Variants in COL19A1 observed in about 807,000 individuals in gnomAD.
COL19A1 encodes collagen type XIX alpha 1 chain.
Under a neutral mutation model 190.2 loss-of-function variants are expected in COL19A1, and 159 were observed. That is an observed-to-expected ratio of 0.84 (90% CI 0.73 to 0.95). The LOEUF is 0.95. Among genes scored for constraint, COL19A1 ranks in the 40% least tolerant of loss-of-function variants. The pLI, the probability that COL19A1 is intolerant of heterozygous loss-of-function variation, is 0.00. For missense variants in COL19A1, 1,418 were observed against 1,431.9 expected (o/e 0.99, Z 0.16); for synonymous variants, 509 against 458.9 (o/e 1.11, Z -1.39).
intron 14 of COL19A1, among the ~76,000 whole-genome samples, chr6:70,065,344 A>G (rs993195041): frequency 1.3e-5 from 2 of 152,244 alleles, no homozygotes; most frequent in Admixed American, 6.5e-5. Flanking sequence ...CCTGACAAAA[A>G]CAAGAAATGG....
chr6:69,901,006 A>T (rs1770156530), intron 4 of COL19A1, among the ~76,000 whole-genome samples: 1 of 152,236 alleles, frequency 6.6e-6, no homozygotes, highest in South Asian at 2.1e-4. Context: ...AGTTGGCAAT[A>T]ATTAAAGGAT....
intron 15 of COL19A1, among the ~76,000 whole-genome samples, chr6:70,084,317 A>G (rs1002523209): frequency 1.3e-5 from 2 of 152,198 alleles, no homozygotes; most frequent in Non-Finnish European, 2.9e-5. Context: ...TGACTTGTTC[A>G]GAGTCACAAA....
At chr6:69,973,722 T>C (rs1775558026) in intron 11 of COL19A1, 1 of 152,258 alleles carries the variant, frequency 6.6e-6, no homozygotes, top group Non-Finnish European at 1.5e-5. Flanking sequence ...AAATCTCAAT[T>C]AATAAATATG....
chr6:70,193,778 TTTAAG>T (rs1281071488), intron 48 of COL19A1, among the ~76,000 whole-genome samples: 1 of 152,220 alleles, frequency 6.6e-6, no homozygotes, highest in African/African-American at 2.4e-5. Flanking sequence ...TTATTTAGCA[TTTAAG>T]TTAATTTGTC....
chr6:70,039,342 C>G (rs1779514250), intron 14 of COL19A1, among the ~76,000 whole-genome samples: 2 of 152,180 alleles, frequency 1.3e-5, no homozygotes, highest in African/African-American at 4.8e-5. Context: ...GTATTTATAT[C>G]AAAAACACCC....
chr6:69,950,872 C>A (rs1774087565), intron 9 of COL19A1, among the ~76,000 whole-genome samples: 1 of 151,802 alleles, frequency 6.6e-6, no homozygotes. Context: ...TGCCTCATTT[C>A]ATACTTCACT....
At chr6:70,156,569 TC>T in intron 33 of COL19A1, 100 bp from the exon 34 acceptor site, 2 of 1,314,660 alleles carry the variant, frequency 1.5e-6, no homozygotes, top group Non-Finnish European at 2.1e-6. Flanking sequence ...CCTGACCCTG[TC>T]CAAATTACAT....
chr6:70,085,194 C>T (rs994699129), intron 15 of COL19A1, among the ~76,000 whole-genome samples: 2 of 152,072 alleles, frequency 1.3e-5, no homozygotes, highest in Non-Finnish European at 2.9e-5. Flanking sequence ...TTTTGGAATC[C>T]GAAGACTTTT....
intron 11 of COL19A1, among the ~76,000 whole-genome samples, chr6:70,001,611 TTTC>T (rs1311625616): frequency 1.3e-5 from 2 of 152,174 alleles, no homozygotes; most frequent in African/African-American, 4.8e-5. Context: ...TCCTAGGTAT[TTTC>T]TTCTCTTTGT....
At chr6:69,963,727 C>G (rs1203042034) in intron 11 of COL19A1, among the ~76,000 whole-genome samples, 2 of 152,200 alleles carry the variant, frequency 1.3e-5, no homozygotes, top group African/African-American at 4.8e-5. Context: ...GCCCACTAAT[C>G]TAAGTGCTGT....
intron 12 of COL19A1, among the ~76,000 whole-genome samples, chr6:70,026,670 T>C (rs1778747373): frequency 6.6e-6 from 1 of 152,184 alleles, no homozygotes; most frequent in Non-Finnish European, 1.5e-5. Flanking sequence ...GCTTGGTTAT[T>C]ACACTGTTGG....
intron 36 of COL19A1, among the ~76,000 whole-genome samples, chr6:70,165,532 G>T (rs778781280): frequency 3.3e-5 from 5 of 152,150 alleles, no homozygotes; most frequent in Non-Finnish European, 4.4e-5. Context: ...CCCAAAAGAT[G>T]AAGGTGGTAG....
intron 16 of COL19A1, 35 bp from the exon 17 acceptor site, chr6:70,121,845 T>A: frequency 7.8e-7 from 1 of 1,276,246 alleles, no homozygotes; most frequent in Non-Finnish European, 1.1e-6. Context: ...TTGGTAAATG[T>A]GTATATATTT....
Position 69,945,599 on chromosome 6 carries a change from A to G in COL19A1, c.936+7499A>G, listed in dbSNP as rs1008847073. Among the ~76,000 whole-genome samples the G allele has an allele frequency of 9.2e-5, 14 of 152,116 alleles. No homozygotes were observed. The East Asian group carries it at 1.4e-3, about 15-fold the overall frequency. The stretch of plus-strand genomic sequence containing the variant: ...TCTTTTGACTTCTTTTAATATGTCA[A>G]TATAAGAAATAATAATGTTTCTTTA... On this transcript the variant is annotated intron_variant, in intron 9 of 50. Transcript: ENST00000620364.
chr6:69,903,312 G>A (rs1182548478), intron 4 of COL19A1, among the ~76,000 whole-genome samples: 1 of 152,158 alleles, frequency 6.6e-6, no homozygotes, highest in Non-Finnish European at 1.5e-5. Flanking sequence ...GGGTGCCTCA[G>A]GCTCCATGGC....
At position 70,190,307 on chromosome 6, in the gene COL19A1, T is replaced by G. The variant is rs373983517; in HGVS notation, c.3028-8T>G. On this transcript the variant is annotated splice_region_variant and splice_polypyrimidine_tract_variant and intron_variant, in intron 47 of 50. Transcript: ENST00000620364. ...CTATTTTAACAACCTTTTTTTTTCC[T>G]TCTTCAGGCTGATGCAGTTTCATTT... The G allele has an allele frequency of 9.4e-6, 15 of 1,592,976 alleles. No individual in the cohort carries two copies. The African/African-American group carries it at 1.8e-4, about 19-fold the overall frequency.
Position 70,095,957 on chromosome 6 carries a change from T to G in COL19A1, c.1225-6212T>G, listed in dbSNP as rs143200139. On this transcript the variant is annotated intron_variant, in intron 15 of 50. Coordinates refer to ENST00000620364, the MANE Select transcript of COL19A1 (RefSeq NM_001858.6). ...TCCATTGGTTGACATTTGGGTTAGT[T>G]CCACCTCTTGTCTATTGAGAATAAT... Among the ~76,000 whole-genome samples, 30 of 152,332 alleles carry G rather than the reference T, an allele frequency of 2.0e-4. No individual in the cohort carries two copies. The East Asian group carries it at 5.8e-3, about 29-fold the overall frequency.
At position 70,156,116 on chromosome 6, in the gene COL19A1, A is replaced by T. The variant is rs2150252186; in HGVS notation, c.2080-11A>T. 6.2e-7 allele frequency: 1 copy of T among 1,611,196 alleles called. No homozygotes were observed. The highest frequency in any genetic ancestry group is 1.1e-5 in the South Asian group (1 of 90,908). On this transcript the variant is annotated splice_polypyrimidine_tract_variant and intron_variant, in intron 31 of 50. Transcript: ENST00000620364. Reference sequence around the variant, plus strand: ...TGACTCCCTCAGTAACCTTATCTTTATACTCATTAGAATTTCTGTGGCAAC... The same window carrying T: ...TGACTCCCTCAGTAACCTTATCTTTTTACTCATTAGAATTTCTGTGGCAAC...
chr6:70,084,251 G>A (rs1021332770), intron 15 of COL19A1, among the ~76,000 whole-genome samples: 4 of 152,066 alleles, frequency 2.6e-5, no homozygotes, highest in Admixed American at 6.6e-5. Flanking sequence ...CTTTAGGATC[G>A]AGTTTAGACT....
Sources: allele counts gnomAD v4.1 joint callset (sites outside exome capture counted in the v4.1 genomes callset), GRCh38; gene constraint gnomAD v4.1.1; transcripts MANE v1.5; gene names NCBI Gene and HGNC (gene_info 2026-07-23, HGNC 2026-07-21).